The following TSPAN4 variants were observed in gnomAD, a reference collection of about 807,000 sequenced individuals.
TSPAN4 encodes the protein tetraspanin 4, also known as tetraspanin-4.
TSPAN4 carries 38 observed loss-of-function variants against 31.5 expected under a neutral mutation model. The ratio of observed to expected loss-of-function variants is 1.21; its 90% CI spans 0.93 to 1.58. TSPAN4 has a LOEUF of 1.58. Among genes scored for constraint, TSPAN4 ranks in the 40% most tolerant of loss-of-function variants. TSPAN4 has a pLI of 0.00. For synonymous variants in TSPAN4, 186 were observed against 144.6 expected (o/e 1.29, Z -2.06); for missense variants, 330 against 317.3 (o/e 1.04, Z -0.30).
intron 1 of TSPAN4, among the ~76,000 whole-genome samples, chr11:844,812 T>C (rs1312412906): frequency 6.6e-6 from 1 of 150,548 alleles, no homozygotes; most frequent in African/African-American, 2.5e-5. Flanking sequence ...GAGCAGAGGG[T>C]GGGCTCCCCC....
chr11:848,974 C>T lies in TSPAN4; in HGVS notation c.-17-1314C>T. 1 of 658,868 alleles carries T rather than the reference C, an allele frequency of 1.5e-6. No individual in the cohort carries two copies. The highest frequency in any genetic ancestry group is 2.8e-6 in the Non-Finnish European group (1 of 357,614). The allele number at this position is 658,868 out of a possible 1,614,324, so 40.8% of individuals were successfully genotyped here. A position where few individuals can be genotyped will look rare whatever the true frequency, so the allele number is the denominator to read the frequency against. On this transcript the variant is annotated intron_variant, in intron 2 of 8. Transcript: ENST00000397397. The surrounding 1 kb of genome is among the most constrained non-coding windows in gnomAD (Gnocchi z 5.7). ...TCAAGGGGTGGGGTGGGGTCTTTTA[C>T]AGGCTGACTTCCAGCCTGGGCTGGA...
intron 3 of TSPAN4, among the ~76,000 whole-genome samples, chr11:852,382 A>G (rs1211489191): frequency 2.0e-5 from 3 of 152,060 alleles, no homozygotes; most frequent in East Asian, 3.9e-4. Context: ...TCGACCTCCC[A>G]AAGTGCTGGG....
intron 3 of TSPAN4, among the ~76,000 whole-genome samples, chr11:853,276 G>A (rs929821113): frequency 1.4e-4 from 21 of 152,238 alleles, no homozygotes; most frequent in Admixed American, 1.1e-3. Context: ...TTGCCTCCAT[G>A]TTCTCCTCAA....
At chr11:856,480 C>CCAT (rs1321921411) in intron 3 of TSPAN4, among the ~76,000 whole-genome samples, 2 of 152,224 alleles carry the variant, frequency 1.3e-5, no homozygotes, top group Non-Finnish European at 2.9e-5. Context: ...CCCCCAGCTG[C>CCAT]CATCATTCCT....
intron 3 of TSPAN4, among the ~76,000 whole-genome samples, chr11:850,949 G>A: frequency 6.6e-6 from 1 of 152,278 alleles, no homozygotes; most frequent in East Asian, 1.9e-4. Flanking sequence ...GGCCATCAGT[G>A]TTCGCGGGAG....
intron 3 of TSPAN4, among the ~76,000 whole-genome samples, chr11:852,425 C>CA (rs1350358170): frequency 1.3e-5 from 2 of 152,186 alleles, no homozygotes; most frequent in African/African-American, 4.8e-5. Context: ...TTTTATTAAT[C>CA]AATCACCACC....
Position 862,703 on chromosome 11 carries a change from C to A in TSPAN4, c.217C>A (p.Leu73Met). 6.2e-7 allele frequency: 1 copy of A among 1,612,900 alleles called. No homozygotes were observed. Among genetic ancestry groups the A allele is most frequent in the Non-Finnish European group, 8.5e-7 (1 of 1,179,706 alleles). Residue 73 changes from leucine (L) to methionine (M), a missense_variant, in exon 4 of 9, where the codon CTG becomes ATG. Leu to Met is a conservative substitution (Grantham distance 15, BLOSUM62 2). Transcript: ENST00000397397. ...FVMAIGFVGC[L>M]GAIKENKCLL... ...CATGGCCATCGGCTTCGTGGGCTGCCTGGGTGCCATCAAGGAGAACAAGTG... is the reference window on the plus strand; with the variant it reads ...CATGGCCATCGGCTTCGTGGGCTGCATGGGTGCCATCAAGGAGAACAAGTG...
chr11:852,231 C>T (rs370191016), intron 3 of TSPAN4, among the ~76,000 whole-genome samples: 2 of 152,156 alleles, frequency 1.3e-5, no homozygotes, highest in African/African-American at 4.8e-5. Context: ...TCAAGCGATT[C>T]TCATGCCTCA....
At chr11:852,097 C>G (rs11246333) in intron 3 of TSPAN4, among the ~76,000 whole-genome samples, 27,830 of 152,120 alleles carry the variant, frequency 0.18, 4,289 homozygotes, top group African/African-American at 0.42. Context: ...CCTTGGGACC[C>G]TATTCTGGGC....
At chr11:845,781 A>G (rs1245604852) in intron 1 of TSPAN4, among the ~76,000 whole-genome samples, 1 of 152,110 alleles carries the variant, frequency 6.6e-6, no homozygotes, top group African/African-American at 2.4e-5. Context: ...TGGTCCCAGG[A>G]GGAAAGACTG....
intron 3 of TSPAN4, among the ~76,000 whole-genome samples, chr11:859,279 A>T (rs1385269401): frequency 2.2e-5 from 1 of 45,284 alleles, no homozygotes; most frequent in African/African-American, 9.2e-5. Context: ...GCCCACACGC[A>T]CCTTGGCTCA....
chr11:866,115 G>A (rs1222156175), intron 8 of TSPAN4, 114 bp downstream of exon 8: 3 of 1,192,768 alleles, frequency 2.5e-6, no homozygotes, highest in Non-Finnish European at 3.6e-6. Flanking sequence ...GGGGAGGCCG[G>A]GGCAAAAGCA....
chr11:853,410 C>G (rs981828652), intron 3 of TSPAN4, among the ~76,000 whole-genome samples: 2 of 152,192 alleles, frequency 1.3e-5, no homozygotes, highest in Non-Finnish European at 2.9e-5. Context: ...CCCCTGGTCA[C>G]TGACGGCCTG....
chr11:865,475 A>C (rs766235314), intron 5 of TSPAN4, 38 bp from the exon 6 acceptor site: 4 of 1,544,892 alleles, frequency 2.6e-6, no homozygotes, highest in Non-Finnish European at 2.7e-6. Flanking sequence ...GGCGGGGTAC[A>C]GTGGGAGGGG....
At chr11:849,269 A>C (rs1847487526) in intron 2 of TSPAN4, among the ~76,000 whole-genome samples, 1 of 151,930 alleles carries the variant, frequency 6.6e-6, no homozygotes, top group Non-Finnish European at 1.5e-5. Context: ...TGTGTTCTGG[A>C]ACCTCCCATA....
intron 3 of TSPAN4, 65 bp from the exon 4 acceptor site, chr11:862,485 C>A: frequency 7.0e-7 from 1 of 1,431,996 alleles, no homozygotes; most frequent in South Asian, 1.3e-5. Context: ...CGGGCTCTGC[C>A]CTGGGGTCCA....
At chr11:851,837 C>G (rs1847763395) in intron 3 of TSPAN4, among the ~76,000 whole-genome samples, 1 of 152,020 alleles carries the variant, frequency 6.6e-6, no homozygotes, top group African/African-American at 2.4e-5. Flanking sequence ...GCAGGCAGGT[C>G]CTGGGAGGGG....
chr11:865,301 G>A (rs1848706540), intron 5 of TSPAN4: 6 of 582,786 alleles, frequency 1.0e-5, no homozygotes, highest in Non-Finnish European at 1.5e-5. Flanking sequence ...TCCTCCCCCA[G>A]CCTGGGGAGG....
At position 865,615 on chromosome 11, in the gene TSPAN4, G is replaced by A. The variant is rs762898750; in HGVS notation, c.432+1G>A. 33 of 1,612,864 alleles carry A rather than the reference G, an allele frequency of 2.0e-5. No individual in the cohort carries two copies. In the Middle Eastern group the frequency reaches 5.0e-4, roughly 24 times the overall value. On this transcript the variant is annotated splice_donor_variant, in intron 6 of 8. Transcript: ENST00000397397. LOFTEE classifies it high-confidence loss of function. ...CGCCTGGAGCATCATCCAGACCGACGTGAGGCGTGGGCAGGTGGGCGGGGT... is the reference window on the plus strand; with the variant it reads ...CGCCTGGAGCATCATCCAGACCGACATGAGGCGTGGGCAGGTGGGCGGGGT...
Sources: allele counts gnomAD v4.1 joint callset (sites outside exome capture counted in the v4.1 genomes callset), GRCh38; gene constraint gnomAD v4.1.1; non-coding constraint Gnocchi (gnomAD v3.1); transcripts MANE v1.5; gene names NCBI Gene and HGNC (gene_info 2026-07-23, HGNC 2026-07-21).